BFSP2: variants seen among roughly 807,000 people sequenced by gnomAD.
BFSP2 encodes beaded filament structural protein 2.
In BFSP2, 38 loss-of-function variants were observed where a neutral mutation model predicts 44.9. The observed-to-expected ratio is 0.85, with a 90% confidence interval of 0.65 to 1.11. The LOEUF (loss-of-function observed/expected upper bound fraction) is 1.11. Ranked by LOEUF, BFSP2 falls within the 50% of genes least tolerant of loss-of-function variation. BFSP2 has a pLI of 0.00. For synonymous variants in BFSP2, 197 were observed against 209.9 expected (o/e 0.94, Z 0.53); for missense variants, 525 against 533.0 (o/e 0.99, Z 0.15).
chr3:133,440,624 G>A (rs1234396225), intron 1 of BFSP2, among the ~76,000 whole-genome samples: 2 of 152,110 alleles, frequency 1.3e-5, no homozygotes, highest in Non-Finnish European at 2.9e-5. Flanking sequence ...GTCTAGGTGG[G>A]CCCAGAATCA....
In BFSP2 at chr3:133,472,392, C is replaced by A. The variant is rs772774425; in HGVS notation, c.1071C>A (p.Asp357Glu). 6.2e-6 allele frequency: 10 copies of A among 1,613,910 alleles called. No homozygotes were observed. In the East Asian group the frequency reaches 1.8e-4, roughly 29 times the overall value. The change falls in exon 6 of 7, where the codon GAC becomes GAA. Residue 357 changes from aspartate to glutamate, a missense_variant. By Grantham distance (45) the Asp-to-Glu change is conservative. Coordinates refer to ENST00000302334, the MANE Select transcript of BFSP2 (RefSeq NM_003571.4). Reference protein sequence around the residue: ...NTLHDAKHWHDMELQNLGAVV... With the variant: ...NTLHDAKHWHEMELQNLGAVV... ...TGCACGATGCCAAGCACTGGCATGA[C>A]ATGGAGCTCCAGAACCTGGGCGCTG... is the stretch of plus-strand genomic sequence containing the variant.
At chr3:133,406,116 A>ATTTTTT (rs11398329) in intron 1 of BFSP2, among the ~76,000 whole-genome samples, 2 of 144,208 alleles carry the variant, frequency 1.4e-5, no homozygotes. Flanking sequence ...ATATCCAGCT[A>ATTTTTT]TTTTTTTTTT....
chr3:133,446,042 G>A (rs2073893280), intron 1 of BFSP2, among the ~76,000 whole-genome samples: 1 of 152,172 alleles, frequency 6.6e-6, no homozygotes, highest in South Asian at 2.1e-4. Context: ...TAAGAACTGG[G>A]AAAGGGAGAC....
At chr3:133,431,824 A>G (rs1375922527) in intron 1 of BFSP2, among the ~76,000 whole-genome samples, 2 of 152,080 alleles carry the variant, frequency 1.3e-5, no homozygotes, top group African/African-American at 4.8e-5. Flanking sequence ...GCCAACTTAG[A>G]CAATACCCTT....
intron 4 of BFSP2, among the ~76,000 whole-genome samples, chr3:133,464,869 C>T (rs149280983): frequency 6.6e-6 from 1 of 152,284 alleles, no homozygotes; most frequent in Non-Finnish European, 1.5e-5. Flanking sequence ...CCAGTCAGAG[C>T]TGGGTCCAAG....
At chr3:133,450,268 C>CG (rs772818092) in intron 3 of BFSP2, 35 bp from the exon 4 acceptor site, 1 of 1,612,338 alleles carries the variant, frequency 6.2e-7, no homozygotes, top group Non-Finnish European at 8.5e-7. Context: ...TATTTCCCCC[C>CG]GTAACTCATC....
intron 4 of BFSP2, among the ~76,000 whole-genome samples, chr3:133,464,001 T>C (rs532377350): frequency 2.0e-5 from 3 of 152,298 alleles, no homozygotes; most frequent in Non-Finnish European, 2.9e-5. Flanking sequence ...CGTGAGCTGT[T>C]AGGAGCAAGT....
At chr3:133,424,216 T>TGTGTGTGTGTGTGTGTGTGTGTGTG (rs1559963358) in intron 1 of BFSP2, among the ~76,000 whole-genome samples, 1,003 of 49,186 alleles carry the variant, frequency 0.02, 33 homozygotes, top group Non-Finnish European at 0.023. Context: ...CAGCTAATTT[T>TGTGTGTGTGTGTGTGTGTGTGTGTG]TTTTTTTTTT....
intron 1 of BFSP2, among the ~76,000 whole-genome samples, chr3:133,424,216 T>TGTGTGTGTG (rs1559963358): frequency 6.1e-5 from 3 of 49,410 alleles, no homozygotes; most frequent in African/African-American, 2.5e-4. Flanking sequence ...CAGCTAATTT[T>TGTGTGTGTG]TTTTTTTTTT....
chr3:133,430,744 C>T (rs1339693998), intron 1 of BFSP2, among the ~76,000 whole-genome samples: 1 of 152,126 alleles, frequency 6.6e-6, no homozygotes, highest in Non-Finnish European at 1.5e-5. Flanking sequence ...CCCTCAGTCC[C>T]AACCCCAAGC....
chr3:133,404,435 C>G (rs1265595640), intron 1 of BFSP2, among the ~76,000 whole-genome samples: 1 of 152,154 alleles, frequency 6.6e-6, no homozygotes, highest in African/African-American at 2.4e-5. Flanking sequence ...CAGGTACCTA[C>G]AGGTGGCACT....
intron 1 of BFSP2, among the ~76,000 whole-genome samples, chr3:133,421,895 TC>T (rs758796496): frequency 1.3e-5 from 2 of 151,782 alleles, no homozygotes; most frequent in East Asian, 1.9e-4. Context: ...GATCACAAGG[TC>T]AAGAGATCAA....
chr3:133,454,589 C>A (rs2073996228), intron 4 of BFSP2, among the ~76,000 whole-genome samples: 1 of 152,176 alleles, frequency 6.6e-6, no homozygotes, highest in African/African-American at 2.4e-5. Flanking sequence ...TAGGGGTTCC[C>A]ACAACCTCCT....
Position 133,425,013 on chromosome 3 carries a change from A to G in BFSP2, c.490-22304A>G, listed in dbSNP as rs147730862. Among the ~76,000 whole-genome samples the G allele has an allele frequency of 3.9e-3, 596 of 152,064 alleles. 3 individuals are homozygous for G. The highest frequency in any genetic ancestry group is 0.013 in the African/African-American group (543 of 41,488). ...TGTTAGTGTCACAGATAAGGCTACA[A>G]CTCCTTAGCCTGTGGGTGTAACTAC... On this transcript the variant is annotated intron_variant, in intron 1 of 6. Transcript: ENST00000302334.
rs73863536 is a variant in BFSP2 at position 133,426,184 on chromosome 3, C to A, written c.490-21133C>A. 7.1e-3 allele frequency among the ~76,000 whole-genome samples: 1,077 copies of A among 151,958 alleles called. 9 individuals carry two copies. Among genetic ancestry groups the A allele is most frequent in the African/African-American group, 0.025 (1,024 of 41,442 alleles). On this transcript the variant is annotated intron_variant, in intron 1 of 6. Coordinates refer to ENST00000302334, the MANE Select transcript of BFSP2 (RefSeq NM_003571.4). Reference sequence around the variant, plus strand: ...CTCTTGGAGCATCTGCAGGCACAAGCCCCTTCTTCAGTTGACCGCCTGTGA... The same window carrying A: ...CTCTTGGAGCATCTGCAGGCACAAGACCCTTCTTCAGTTGACCGCCTGTGA...
chr3:133,405,477 T>C (rs2073396670), intron 1 of BFSP2, among the ~76,000 whole-genome samples: 1 of 152,132 alleles, frequency 6.6e-6, no homozygotes. Context: ...AATCCAGATC[T>C]GGGCCAGGTT....
At position 133,468,155 on chromosome 3, in the gene BFSP2, C is replaced by A. The variant is rs149404914; in HGVS notation, c.1023+1196C>A. Among the ~76,000 whole-genome samples, 239 of 152,274 alleles carry A rather than the reference C, an allele frequency of 1.6e-3. 2 individuals are homozygous for A. Among genetic ancestry groups the A allele is most frequent in the African/African-American group, 5.1e-3 (213 of 41,550 alleles). ...TACCAAGTGCTTTGGAGACATAAAA[C>A]TAATGAGATATGGTCCCTGCCTCCA... On this transcript the variant is annotated intron_variant, in intron 5 of 6. Coordinates refer to ENST00000302334, the MANE Select transcript of BFSP2 (RefSeq NM_003571.4).
intron 1 of BFSP2, among the ~76,000 whole-genome samples, chr3:133,415,140 C>A (rs2073506090): frequency 7.5e-6 from 1 of 133,060 alleles, no homozygotes; most frequent in African/African-American, 2.9e-5. Flanking sequence ...CTACTCAACC[C>A]TGCCCTCTCC....
At chr3:133,410,707 A>G in intron 1 of BFSP2, 1 of 254,690 alleles carries the variant, frequency 3.9e-6, no homozygotes, top group Non-Finnish European at 8.2e-6. Context: ...GTGGGCGGAC[A>G]GGAGTCTGTG....
Sources: allele counts gnomAD v4.1 joint callset (sites outside exome capture counted in the v4.1 genomes callset), GRCh38; gene constraint gnomAD v4.1.1; transcripts MANE v1.5; gene names NCBI Gene and HGNC (gene_info 2026-07-23, HGNC 2026-07-21).